The following JAK2 variants were observed in gnomAD, a reference collection of about 807,000 sequenced individuals.
JAK2 encodes the protein Janus kinase 2.
A neutral mutation model predicts 139.3 loss-of-function variants in JAK2; 86 were observed. That is an observed-to-expected ratio of 0.62 (90% CI 0.52 to 0.74). The LOEUF (loss-of-function observed/expected upper bound fraction) is 0.74. JAK2 is among the 30% of genes least tolerant of loss of function. JAK2 has a pLI of 0.00. For missense variants in JAK2, 1,421 were observed against 1,360.3 expected, an observed-to-expected ratio of 1.04 and a Z score of -0.70; for synonymous variants, 490 against 437.7, an observed-to-expected ratio of 1.12 and a Z score of -1.49.
intron 2 of JAK2, among the ~76,000 whole-genome samples, chr9:5,010,018 C>T (rs575301747): frequency 1.7e-4 from 26 of 152,324 alleles, no homozygotes; most frequent in African/African-American, 4.6e-4. Flanking sequence ...ACGATCCTCT[C>T]GCCTTGGACT....
rs572697100 is a variant in JAK2, at chr9:5,022,294, A to C, written c.226+81A>C. ...TATGCTAATACTAGGTACATGCATA[A>C]TATATATTTTTATTTTTTTAATGCT... is the stretch of plus-strand genomic sequence containing the variant. On this transcript the variant is annotated intron_variant, in intron 3 of 24. Coordinates refer to ENST00000381652, the MANE Select transcript of JAK2 (RefSeq NM_004972.4). 2.1e-5 allele frequency: 18 copies of C among 854,792 alleles called. 1 individual carries two copies. The South Asian group carries it at 3.0e-4, about 14-fold the overall frequency. The allele number at this position is 854,792 out of a possible 1,614,324, so 53.0% of individuals were successfully genotyped here.
At chr9:5,099,541 C>G (rs531385139) in intron 22 of JAK2, 48 of 152,216 alleles carry the variant, frequency 3.2e-4, no homozygotes, top group African/African-American at 1.2e-3. Context: ...CACAAAAACA[C>G]AAGGCTTCCT....
chr9:5,086,874 G>C (rs28674503), intron 19 of JAK2, among the ~76,000 whole-genome samples: 2,370 of 152,176 alleles, frequency 0.016, 48 homozygotes, highest in East Asian at 0.072. Context: ...TATCAAGCGC[G>C]TTTAAATGTT....
chr9:5,124,769 A>G (rs1381167828), intron 23 of JAK2, among the ~76,000 whole-genome samples: 1 of 151,742 alleles, frequency 6.6e-6, no homozygotes, highest in Non-Finnish European at 1.5e-5. Flanking sequence ...TTTATAGCCA[A>G]CTGATCTTTG....
chr9:5,014,476 C>T (rs186292154), intron 2 of JAK2, among the ~76,000 whole-genome samples: 2 of 152,272 alleles, frequency 1.3e-5, no homozygotes, highest in African/African-American at 4.8e-5. Context: ...AAGAAACTTT[C>T]ATTCTAGTGG....
At position 5,129,691 on chromosome 9, in the gene JAK2, T is replaced by C. The variant is rs151044742; in HGVS notation, c.*2900T>C. On this transcript the variant is annotated 3_prime_UTR_variant, in exon 25 of 25. Transcript: ENST00000381652. ...TGTGTGTTTACTCTCAGATTTTAGT[T>C]GGTTGGATTTAATATCAAGATAACT... Among the ~76,000 whole-genome samples the C allele has an allele frequency of 6.6e-6, 1 of 152,232 alleles. No homozygotes were observed. The highest frequency in any genetic ancestry group is 1.9e-4 in the East Asian group (1 of 5,190).
intron 2 of JAK2, among the ~76,000 whole-genome samples, chr9:5,001,085 G>A (rs1228587068): frequency 6.6e-6 from 1 of 152,178 alleles, no homozygotes; most frequent in Non-Finnish European, 1.5e-5. Flanking sequence ...TCATTTATAA[G>A]TTCTAGTAAT....
At chr9:5,026,265 A>G (rs573800477) in intron 3 of JAK2, among the ~76,000 whole-genome samples, 1 of 152,312 alleles carries the variant, frequency 6.6e-6, no homozygotes, top group East Asian at 1.9e-4. Flanking sequence ...TGATATTGGT[A>G]ATCATTATTC....
At chr9:4,993,921 G>C (rs1227196105) in intron 2 of JAK2, among the ~76,000 whole-genome samples, 1 of 152,214 alleles carries the variant, frequency 6.6e-6, no homozygotes, top group Non-Finnish European at 1.5e-5. Flanking sequence ...TAGTGGATCG[G>C]TGTGTCTAAA....
chr9:5,051,978 C>T (rs1817445387), intron 6 of JAK2, among the ~76,000 whole-genome samples: 2 of 151,494 alleles, frequency 1.3e-5, no homozygotes, highest in South Asian at 2.1e-4. Flanking sequence ...AAAAAAAAAA[C>T]ACATTCATTC....
At chr9:5,114,620 C>G (rs1822975253) in intron 22 of JAK2, 1 of 485,582 alleles carries the variant, frequency 2.1e-6, no homozygotes, top group African/African-American at 2.0e-5. Context: ...AGGTGCAGCT[C>G]CCGGACACTT....
intron 2 of JAK2, among the ~76,000 whole-genome samples, chr9:5,014,865 A>G (rs148218549): frequency 2.8e-4 from 42 of 152,086 alleles, no homozygotes; most frequent in African/African-American, 8.9e-4. Flanking sequence ...TCTCCTGTCT[A>G]TCTTGCAGAA....
chr9:5,119,881 A>G (rs920907433), intron 22 of JAK2, among the ~76,000 whole-genome samples: 1 of 152,220 alleles, frequency 6.6e-6, no homozygotes. Context: ...TAGAAAATAA[A>G]TATTTTATAC....
At position 5,002,841 on chromosome 9, in the gene JAK2, A is replaced by G. The variant is rs191587719; in HGVS notation, c.-26+16819A>G. On this transcript the variant is annotated intron_variant, in intron 2 of 24. Transcript: ENST00000381652. ...AGTAATTTATAAATCTTCTATGATT[A>G]GTGTTTTTATGTTCTGCTTACAAGA... Among the ~76,000 whole-genome samples, 16 of 152,104 alleles carry G rather than the reference A, an allele frequency of 1.1e-4. No homozygotes were observed. The East Asian group carries it at 3.1e-3, about 29-fold the overall frequency.
At chr9:5,076,765 A>G (rs947644101) in intron 14 of JAK2, among the ~76,000 whole-genome samples, 1 of 152,164 alleles carries the variant, frequency 6.6e-6, no homozygotes, top group African/African-American at 2.4e-5. Flanking sequence ...TTAAATACAC[A>G]TCTACACTTG....
chr9:5,008,274 ATAAT>A (rs1294622385), intron 2 of JAK2, among the ~76,000 whole-genome samples: 1 of 152,206 alleles, frequency 6.6e-6, no homozygotes, highest in Non-Finnish European at 1.5e-5. Context: ...GATTTCATTA[ATAAT>A]TTGTTGAGAA....
At chr9:5,078,926 G>A (rs903698935) in intron 16 of JAK2, among the ~76,000 whole-genome samples, 4 of 152,136 alleles carry the variant, frequency 2.6e-5, no homozygotes, top group Middle Eastern at 3.4e-3. Context: ...TAACACAGTG[G>A]GTTAAAAATA....
intron 8 of JAK2, among the ~76,000 whole-genome samples, chr9:5,061,993 G>A (rs991855542): frequency 4.6e-5 from 7 of 152,124 alleles, no homozygotes; most frequent in Admixed American, 6.5e-5. Context: ...ATAGCTATTC[G>A]GTGGAGCAGT....
intron 2 of JAK2, among the ~76,000 whole-genome samples, chr9:4,999,120 C>G (rs1204246641): frequency 2.6e-5 from 4 of 152,034 alleles, no homozygotes; most frequent in Admixed American, 6.6e-5. Context: ...CCACCGCACC[C>G]GGGCTCAGGA....
Sources: gnomAD v4.1 joint callset for allele counts (sites outside exome capture counted in the v4.1 genomes callset) on GRCh38, gnomAD v4.1.1 for gene constraint, MANE v1.5 for transcripts, NCBI Gene and HGNC (gene_info 2026-07-23, HGNC 2026-07-21) for gene names.